The following DIP2B variants were observed in gnomAD, a reference collection of about 807,000 sequenced individuals.
DIP2B encodes disco-interacting protein 2 homolog B.
A neutral mutation model predicts 198.0 loss-of-function variants in DIP2B; 76 were observed. The ratio of observed to expected loss-of-function variants is 0.38; its 90% CI spans 0.32 to 0.46. DIP2B has a LOEUF of 0.46. Ranked by LOEUF, DIP2B falls within the 20% of genes least tolerant of loss-of-function variation. The pLI is 0.99. For missense variants in DIP2B, 1,559 were observed against 1,978.4 expected (o/e 0.79, Z 4.02); for synonymous variants, 701 against 739.1 (o/e 0.95, Z 0.84).
chr12:50,656,796 T>G (rs1203274018), intron 3 of DIP2B, among the ~76,000 whole-genome samples: 1 of 152,144 alleles, frequency 6.6e-6, no homozygotes, highest in Non-Finnish European at 1.5e-5. Context: ...GGTTTCGAAC[T>G]CCTGACCTCA....
intron 1 of DIP2B, among the ~76,000 whole-genome samples, chr12:50,595,325 GTT>G (rs1958869275): frequency 6.6e-6 from 1 of 151,976 alleles, no homozygotes; most frequent in Non-Finnish European, 1.5e-5. Flanking sequence ...TTATTTATTT[GTT>G]TTGAGACAGG....
chr12:50,709,016 G>A (rs1939564551), intron 22 of DIP2B, among the ~76,000 whole-genome samples: 1 of 152,194 alleles, frequency 6.6e-6, no homozygotes, highest in Non-Finnish European at 1.5e-5. Flanking sequence ...TAAACCATGA[G>A]GGAAGGAGAA....
At chr12:50,725,162 A>T (rs1276793989) in intron 28 of DIP2B, among the ~76,000 whole-genome samples, 3 of 152,152 alleles carry the variant, frequency 2.0e-5, no homozygotes, top group Non-Finnish European at 2.9e-5. Flanking sequence ...GCTACATGTG[A>T]CTATGTACAT....
In DIP2B at chr12:50,723,230, C is replaced by T; in HGVS notation, c.3195C>T (p.Gly1065=). The T allele has an allele frequency of 6.2e-7, 1 of 1,614,166 alleles. No homozygotes were observed. Among genetic ancestry groups the T allele is most frequent in the Non-Finnish European group, 8.5e-7 (1 of 1,180,036 alleles). ...PGIELIAAFY[G]CLYAGCIPVT... ...TTGAGTTAATCGCCGCCTTCTATGG[C>T]TGCCTGTATGCGGGCTGTATACCTG... Residue 1065 remains glycine (G), a synonymous_variant, in exon 27 of 38, where the codon GGC becomes GGT. Coordinates refer to ENST00000301180, the MANE Select transcript of DIP2B (RefSeq NM_173602.3).
chr12:50,653,616 A>G (rs1193920770), intron 3 of DIP2B, among the ~76,000 whole-genome samples: 1 of 151,956 alleles, frequency 6.6e-6, no homozygotes. Context: ...TGCTGAGATT[A>G]CAGGCATGAG....
chr12:50,568,261 T>C (rs1256015216), intron 1 of DIP2B, among the ~76,000 whole-genome samples: 1 of 152,126 alleles, frequency 6.6e-6, no homozygotes, highest in Non-Finnish European at 1.5e-5. Context: ...CTGAGATGCA[T>C]GTTTGTTATT....
chr12:50,741,866 T>C (rs1940249804), intron 37 of DIP2B, among the ~76,000 whole-genome samples: 1 of 152,210 alleles, frequency 6.6e-6, no homozygotes, highest in Non-Finnish European at 1.5e-5. Context: ...GTCAGCATAA[T>C]ATGGTGGAAA....
chr12:50,624,619 ACTGCAC>A (rs1937896324), intron 1 of DIP2B, among the ~76,000 whole-genome samples: 1 of 152,202 alleles, frequency 6.6e-6, no homozygotes. Flanking sequence ...GGCATGAGCC[ACTGCAC>A]CTGGCCCCTA....
At chr12:50,724,752 A>C (rs1200353011) in intron 27 of DIP2B, 23 bp from the exon 28 acceptor site, 2 of 1,607,746 alleles carry the variant, frequency 1.2e-6, no homozygotes, top group African/African-American at 2.7e-5. Context: ...CCTGATGCTT[A>C]TTGCTGTCCA....
At chr12:50,610,889 G>T (rs1959026103) in intron 1 of DIP2B, among the ~76,000 whole-genome samples, 1 of 149,594 alleles carries the variant, frequency 6.7e-6, no homozygotes, top group African/African-American at 2.5e-5. Flanking sequence ...TGCAACCTCT[G>T]CCTCCGTTCA....
rs776698266 is a variant in DIP2B at position 50,572,019 on chromosome 12, C to T, written c.101-53957C>T. On this transcript the variant is annotated intron_variant, in intron 1 of 37. Coordinates refer to ENST00000301180, the MANE Select transcript of DIP2B (RefSeq NM_173602.3). ...AGCTGTGTGACAGCATTGCCGAAGC[C>T]TTCTCTTTAGAGTTTGTTACAACAC... is the stretch of plus-strand genomic sequence containing the variant. 1.3e-4 allele frequency among the ~76,000 whole-genome samples: 20 copies of T among 152,290 alleles called. No homozygotes were observed. In the South Asian group the frequency reaches 1.9e-3, roughly 14 times the overall value.
chr12:50,723,256 T>C lies in DIP2B; in HGVS notation c.3221T>C (p.Val1074Ala). The C allele has an allele frequency of 6.2e-7, 1 of 1,614,184 alleles. No homozygotes were observed. The highest frequency in any genetic ancestry group is 8.5e-7 in the Non-Finnish European group (1 of 1,180,038). Residue 1074 changes from valine to alanine, a missense_variant, in exon 27 of 38, where the codon GTG becomes GCG. Val to Ala is a moderately conservative substitution (Grantham distance 64, BLOSUM62 0). Coordinates refer to ENST00000301180, the MANE Select transcript of DIP2B (RefSeq NM_173602.3). The stretch of plus-strand genomic sequence containing the variant: ...TGCCTGTATGCGGGCTGTATACCTG[T>C]GACCGTCAGACCTCCACATGCTCAG... ...YGCLYAGCIP[V>A]TVRPPHAQNL...
intron 1 of DIP2B, among the ~76,000 whole-genome samples, chr12:50,600,894 TCACCACCACCACCACCACCACCACCAC>T (rs34616785): frequency 3.3e-5 from 4 of 121,500 alleles, no homozygotes; most frequent in Non-Finnish European, 5.1e-5. Context: ...ATGACCACCA[TCACCACCACCACCACCACCACCACCAC>T]CACCACCACC....
intron 1 of DIP2B, among the ~76,000 whole-genome samples, chr12:50,603,444 T>C (rs1425758750): frequency 6.6e-6 from 1 of 151,942 alleles, no homozygotes; most frequent in Non-Finnish European, 1.5e-5. Context: ...ATTGAGTCTT[T>C]TAAAAAACAT....
chr12:50,726,672 T>C (rs1451613454), intron 28 of DIP2B, among the ~76,000 whole-genome samples: 2 of 151,432 alleles, frequency 1.3e-5, no homozygotes, highest in East Asian at 1.9e-4. Context: ...TTCTTTCTTT[T>C]TTTTTTTTTA....
Position 50,696,774 on chromosome 12 carries a change from G to A in DIP2B, c.1934-287G>A, listed in dbSNP as rs148787944. Among the ~76,000 whole-genome samples the A allele has an allele frequency of 5.1e-4, 77 of 152,296 alleles. 1 individual carries two copies. Among genetic ancestry groups the A allele is most frequent in the African/African-American group, 1.8e-3 (75 of 41,568 alleles). The stretch of plus-strand genomic sequence containing the variant: ...ATTATAAACTGGCTGCATATTGCCT[G>A]CAGTGTTATCTCTGATACTGATTTG... On this transcript the variant is annotated intron_variant, in intron 16 of 37. Coordinates refer to ENST00000301180, the MANE Select transcript of DIP2B (RefSeq NM_173602.3).
chr12:50,589,234 C>CTTTTTTTTTT (rs1565835282), intron 1 of DIP2B, among the ~76,000 whole-genome samples: 1 of 145,156 alleles, frequency 6.9e-6, no homozygotes, highest in African/African-American at 2.7e-5. Flanking sequence ...ATTTGTTTGT[C>CTTTTTTTTTT]TTTGTTTTTT....
intron 1 of DIP2B, among the ~76,000 whole-genome samples, chr12:50,585,346 A>C (rs1565833831): frequency 6.6e-6 from 1 of 152,254 alleles, no homozygotes; most frequent in Non-Finnish European, 1.5e-5. Flanking sequence ...ACCACAGATA[A>C]ATCGTGTGCT....
intron 3 of DIP2B, among the ~76,000 whole-genome samples, chr12:50,643,245 G>T (rs1262390218): frequency 2.0e-5 from 3 of 152,140 alleles, no homozygotes; most frequent in South Asian, 2.1e-4. Flanking sequence ...GTGATCTGTA[G>T]TCCCTGCTGT....
Sources: allele counts gnomAD v4.1 joint callset (sites outside exome capture counted in the v4.1 genomes callset), GRCh38; gene constraint gnomAD v4.1.1; transcripts MANE v1.5; gene names NCBI Gene and HGNC (gene_info 2026-07-23, HGNC 2026-07-21).